Variants in IL1RAPL1 observed in about 807,000 individuals in gnomAD.
IL1RAPL1 encodes interleukin-1 receptor accessory protein-like 1.
IL1RAPL1 carries 3 observed loss-of-function variants against 48.4 expected under a neutral mutation model. The ratio of observed to expected loss-of-function variants is 0.06; its 90% CI spans 0.03 to 0.16. The LOEUF is 0.16. Among genes scored for constraint, IL1RAPL1 ranks in the 10% least tolerant of loss-of-function variants. The probability of loss-of-function intolerance (pLI) is 1.00; values close to 1 mark genes in which losing one functional copy is unlikely to be tolerated. For synonymous variants in IL1RAPL1, 185 were observed against 187.7 expected (o/e 0.99, Z 0.12); for missense variants, 349 against 530.6 (o/e 0.66, Z 3.36).
At chrX:29,110,922 C>G (rs1928551633) in intron 2 of IL1RAPL1, among the ~76,000 whole-genome samples, 1 of 110,921 alleles carries the variant, frequency 9.0e-6, no homozygotes, top group African/African-American at 3.3e-5. Flanking sequence ...AAAAATCCTC[C>G]TGCATCCCAT....
intron 6 of IL1RAPL1, among the ~76,000 whole-genome samples, chrX:29,728,991 A>G (rs1927849415): frequency 8.9e-6 from 1 of 112,042 alleles, no homozygotes; most frequent in African/African-American, 3.3e-5. Flanking sequence ...AGCAGCTCCT[A>G]GACTAGAACA....
intron 6 of IL1RAPL1, among the ~76,000 whole-genome samples, chrX:29,808,818 C>T (rs1437920845): frequency 9.0e-6 from 1 of 111,342 alleles, no homozygotes; most frequent in Non-Finnish European, 1.9e-5. Flanking sequence ...CTCTCTATCT[C>T]CAATACTACT....
chrX:28,741,926 A>G (rs939683644), intron 1 of IL1RAPL1, among the ~76,000 whole-genome samples: 7 of 111,726 alleles, frequency 6.3e-5, no homozygotes, highest in Non-Finnish European at 1.1e-4. Context: ...CTGAATTTAT[A>G]TTTTTACTTC....
rs749205936 is a variant in IL1RAPL1 at position 28,921,169 on chromosome X, A to G, written c.82+131744A>G. Among the ~76,000 whole-genome samples the G allele has an allele frequency of 4.5e-5, 5 of 111,231 alleles. No individual in the cohort carries two copies. In the East Asian group the frequency reaches 1.1e-3, roughly 25 times the overall value. ...AAAACGAGTGGAACTATAGTTTCTA[A>G]AGTCTGTGGAGTTGGGACAAATGGT... is the stretch of plus-strand genomic sequence containing the variant. On this transcript the variant is annotated intron_variant, in intron 2 of 10. Coordinates refer to ENST00000378993, the MANE Select transcript of IL1RAPL1 (RefSeq NM_014271.4).
rs192553611 is a variant in IL1RAPL1 at position 28,612,695 on chromosome X, G to A, written c.-25+24648G>A. Among the ~76,000 whole-genome samples the A allele has an allele frequency of 6.2e-5, 7 of 112,355 alleles. No individual in the cohort carries two copies. The East Asian group carries it at 2.0e-3, about 32-fold the overall frequency. The stretch of plus-strand genomic sequence containing the variant: ...ATGAGAACACTGTTGTGCACAAATG[G>A]TGAAGAGAGGTATTCTAAGGAGAGG... On this transcript the variant is annotated intron_variant, in intron 1 of 10. Transcript: ENST00000378993.
intron 2 of IL1RAPL1, among the ~76,000 whole-genome samples, chrX:29,116,843 C>A (rs1417031238): frequency 1.8e-5 from 2 of 111,510 alleles, no homozygotes; most frequent in East Asian, 5.6e-4. Flanking sequence ...ATTTTGAAAG[C>A]CCAACAAGAG....
intron 5 of IL1RAPL1, among the ~76,000 whole-genome samples, chrX:29,472,807 G>T (rs1035702704): frequency 9.0e-6 from 1 of 111,706 alleles, no homozygotes; most frequent in Non-Finnish European, 1.9e-5. Flanking sequence ...ATACGCTGAA[G>T]ATTTTAGAAT....
chrX:29,662,127 A>G (rs775578940), intron 5 of IL1RAPL1, among the ~76,000 whole-genome samples: 122 of 112,023 alleles, frequency 1.1e-3, no homozygotes, highest in Non-Finnish European at 2.1e-3. Flanking sequence ...CCCTTCCTGC[A>G]TTGGCCAGTG....
At chrX:28,900,768 T>G (rs1372214792) in intron 2 of IL1RAPL1, among the ~76,000 whole-genome samples, 3 of 111,727 alleles carry the variant, frequency 2.7e-5, no homozygotes, top group African/African-American at 9.8e-5. Flanking sequence ...AGACTGGGAT[T>G]TTTATTTTAG....
At chrX:29,246,150 C>CTTTTTTT (rs761809643) in intron 2 of IL1RAPL1, among the ~76,000 whole-genome samples, 1 of 52,029 alleles carries the variant, frequency 1.9e-5, no homozygotes, top group Non-Finnish European at 3.4e-5. Flanking sequence ...TCTCATCGCT[C>CTTTTTTT]TTTTTTTTTT....
chrX:28,771,610 A>G (rs1207603763), intron 1 of IL1RAPL1, among the ~76,000 whole-genome samples: 2 of 112,354 alleles, frequency 1.8e-5, no homozygotes, highest in Non-Finnish European at 3.7e-5. Flanking sequence ...GCCTGCATTA[A>G]TAGAATGATC....
chrX:29,345,959 A>C (rs1053030591), intron 3 of IL1RAPL1, among the ~76,000 whole-genome samples: 1 of 112,133 alleles, frequency 8.9e-6, no homozygotes, highest in Non-Finnish European at 1.9e-5. Flanking sequence ...ATCTACTCTA[A>C]AATAGGAAAG....
intron 2 of IL1RAPL1, among the ~76,000 whole-genome samples, chrX:28,813,433 T>A (rs1936818005): frequency 9.0e-6 from 1 of 111,319 alleles, no homozygotes; most frequent in South Asian, 3.7e-4. Context: ...ATTTGTTAGG[T>A]TATGCTTTAT....
At chrX:28,619,105 C>T (rs1934254037) in intron 1 of IL1RAPL1, among the ~76,000 whole-genome samples, 1 of 111,880 alleles carries the variant, frequency 8.9e-6, no homozygotes, top group African/African-American at 3.2e-5. Flanking sequence ...ATTTATGTAT[C>T]CAATTTTAAC....
At chrX:29,236,535 C>CTTTTTT (rs759738945) in intron 2 of IL1RAPL1, among the ~76,000 whole-genome samples, 27 of 58,966 alleles carry the variant, frequency 4.6e-4, no homozygotes, top group Non-Finnish European at 6.8e-4. Context: ...CTTTCTTTTT[C>CTTTTTT]TTTTTTTTTC....
At position 28,776,292 on chromosome X, in the gene IL1RAPL1, A is replaced by T. The variant is rs148394024; in HGVS notation, c.-24-13028A>T. On this transcript the variant is annotated intron_variant, in intron 1 of 10. Coordinates refer to ENST00000378993, the MANE Select transcript of IL1RAPL1 (RefSeq NM_014271.4). Reference sequence around the variant, plus strand: ...GAAGAACAGTCAATCTTAGAAGTCAATTCTTAGAACTCCAAGCAGGGAAAA... The same window carrying T: ...GAAGAACAGTCAATCTTAGAAGTCATTTCTTAGAACTCCAAGCAGGGAAAA... Among the ~76,000 whole-genome samples, 364 of 111,776 alleles carry T rather than the reference A, an allele frequency of 3.3e-3. 3 individuals carry two copies. Among genetic ancestry groups the T allele is most frequent in the African/African-American group, 0.011 (337 of 30,852 alleles).
intron 5 of IL1RAPL1, among the ~76,000 whole-genome samples, chrX:29,655,101 C>T (rs1925636866): frequency 9.0e-6 from 1 of 111,445 alleles, no homozygotes; most frequent in East Asian, 2.8e-4. Context: ...AAGAGTTCTA[C>T]TTATGAGAGC....
intron 3 of IL1RAPL1, among the ~76,000 whole-genome samples, chrX:29,345,447 C>A (rs1201068372): frequency 9.0e-6 from 1 of 111,569 alleles, no homozygotes; most frequent in African/African-American, 3.3e-5. Flanking sequence ...TCTGAAATGC[C>A]CATTGATAAC....
chrX:29,858,937 A>G (rs368123088), intron 6 of IL1RAPL1, among the ~76,000 whole-genome samples: 2 of 110,452 alleles, frequency 1.8e-5, no homozygotes, highest in Admixed American at 1.9e-4. Context: ...CCCTAATCAT[A>G]TTACCTCCTC....
Sources: gnomAD v4.1 joint callset for allele counts (sites outside exome capture counted in the v4.1 genomes callset) on GRCh38, gnomAD v4.1.1 for gene constraint, MANE v1.5 for transcripts, NCBI Gene and HGNC (gene_info 2026-07-23, HGNC 2026-07-21) for gene names.